Variants in TCF4 observed in about 807,000 individuals in gnomAD.
The protein encoded by TCF4 is SL3-3 enhancer factor 2.
Under a neutral mutation model 82.1 loss-of-function variants are expected in TCF4, and 3 were observed. The ratio of observed to expected loss-of-function variants is 0.04; its 90% CI spans 0.02 to 0.09. TCF4 has a LOEUF of 0.09. TCF4 is among the 10% of genes least tolerant of loss of function. TCF4 has a pLI of 1.00. For missense variants in TCF4, 518 were observed against 852.7 expected, an observed-to-expected ratio of 0.61 and a Z score of 4.89; for synonymous variants, 276 against 309.6, an observed-to-expected ratio of 0.89 and a Z score of 1.14.
rs149743921 is a variant in TCF4 at position 55,382,658 on chromosome 18, TA to T, written c.369+20795del. On this transcript the variant is annotated intron_variant, in intron 6 of 19. Coordinates refer to ENST00000354452, the MANE Select transcript of TCF4 (RefSeq NM_001083962.2). ...TATCCTGATCACCTTGTTTTAATAC[TA>T]AAAAAAAGGAAGTCATTTATCATCT... Among the ~76,000 whole-genome samples the T allele has an allele frequency of 3.6e-3, 540 of 151,702 alleles. 6 individuals carry two copies. The highest frequency in any genetic ancestry group is 0.013 in the African/African-American group (523 of 41,402).
intron 8 of TCF4, among the ~76,000 whole-genome samples, chr18:55,318,547 A>G (rs1293741244): frequency 1.3e-5 from 2 of 152,152 alleles, no homozygotes; most frequent in African/African-American, 4.8e-5. Flanking sequence ...TGAAACTCTC[A>G]CCTGAGGAGA....
chr18:55,624,559 T>A (rs1471049048), intron 2 of TCF4, among the ~76,000 whole-genome samples: 2 of 147,696 alleles, frequency 1.4e-5, no homozygotes, highest in Non-Finnish European at 1.5e-5. Flanking sequence ...AGGGAGAAGT[T>A]GTGGAAAGAC....
chr18:55,549,290 C>A (rs1338988233), intron 3 of TCF4, among the ~76,000 whole-genome samples: 1 of 151,622 alleles, frequency 6.6e-6, no homozygotes, highest in African/African-American at 2.4e-5. Flanking sequence ...GACAGAGTGA[C>A]CCTGTCTCAA....
At chr18:55,458,728 G>A (rs555112247) in intron 5 of TCF4, among the ~76,000 whole-genome samples, 16 of 152,168 alleles carry the variant, frequency 1.1e-4, no homozygotes, top group African/African-American at 3.9e-4. Context: ...TTATAGCGAT[G>A]GGAAGTTTTT....
chr18:55,608,806 C>T (rs190597200), intron 2 of TCF4, among the ~76,000 whole-genome samples: 1 of 151,992 alleles, frequency 6.6e-6, no homozygotes, highest in Admixed American at 6.6e-5. Flanking sequence ...GTGGAGTGGG[C>T]GGTAGGAGGT....
chr18:55,615,799 C>A (rs1303188064), intron 2 of TCF4, among the ~76,000 whole-genome samples: 1 of 152,074 alleles, frequency 6.6e-6, no homozygotes, highest in African/African-American at 2.4e-5. Flanking sequence ...GTGAATTATA[C>A]TGACTGATTT....
At chr18:55,420,069 G>C (rs1427964089) in intron 5 of TCF4, among the ~76,000 whole-genome samples, 1 of 152,124 alleles carries the variant, frequency 6.6e-6, no homozygotes, top group Admixed American at 6.5e-5. Flanking sequence ...CTGCTGGACA[G>C]TGGAAATCCC....
At chr18:55,247,163 A>G (rs2053535885) in intron 15 of TCF4, among the ~76,000 whole-genome samples, 1 of 152,232 alleles carries the variant, frequency 6.6e-6, no homozygotes, top group South Asian at 2.1e-4. Context: ...AAAGGATAGA[A>G]GACAGCACTC....
At chr18:55,304,692 G>A (rs778170550) in intron 8 of TCF4, among the ~76,000 whole-genome samples, 23 of 152,116 alleles carry the variant, frequency 1.5e-4, no homozygotes, top group Non-Finnish European at 2.8e-4. Context: ...GACATTCAAG[G>A]TATTAAAGGA....
intron 8 of TCF4, among the ~76,000 whole-genome samples, chr18:55,317,586 G>A (rs1019614338): frequency 1.1e-4 from 16 of 151,874 alleles, no homozygotes; most frequent in African/African-American, 1.9e-4. Flanking sequence ...TATTAGTGGC[G>A]TCATTTAAAT....
intron 3 of TCF4, among the ~76,000 whole-genome samples, chr18:55,468,463 A>G (rs1231236496): frequency 6.6e-6 from 1 of 152,226 alleles, no homozygotes; most frequent in Non-Finnish European, 1.5e-5. Flanking sequence ...ATCCCATAGC[A>G]GCCCATAGTA....
At chr18:55,568,849 T>C (rs1439357974) in intron 3 of TCF4, among the ~76,000 whole-genome samples, 1 of 152,138 alleles carries the variant, frequency 6.6e-6, no homozygotes, top group Non-Finnish European at 1.5e-5. Flanking sequence ...AAGAAAATAT[T>C]TGAAATTGAG....
At chr18:55,400,957 G>T (rs1175395263) in intron 6 of TCF4, 6 of 1,288,612 alleles carry the variant, frequency 4.7e-6, no homozygotes, top group Admixed American at 4.6e-5. Flanking sequence ...CAATCATGTA[G>T]TAAACAGAAG....
At chr18:55,467,776 G>A (rs1021835492) in intron 3 of TCF4, among the ~76,000 whole-genome samples, 1 of 152,180 alleles carries the variant, frequency 6.6e-6, no homozygotes, top group Admixed American at 6.5e-5. Context: ...CCATGTTTTT[G>A]TAACTGCTAT....
intron 3 of TCF4, among the ~76,000 whole-genome samples, chr18:55,539,283 T>A (rs1045710065): frequency 6.6e-6 from 1 of 152,176 alleles, no homozygotes; most frequent in Non-Finnish European, 1.5e-5. Flanking sequence ...CTGATTCTTA[T>A]GTCACTGATT....
At chr18:55,369,579 A>G (rs1386913394) in intron 6 of TCF4, among the ~76,000 whole-genome samples, 1 of 152,202 alleles carries the variant, frequency 6.6e-6, no homozygotes, top group Non-Finnish European at 1.5e-5. Context: ...CATTCCCCAC[A>G]AGCACATCAA....
intron 6 of TCF4, among the ~76,000 whole-genome samples, chr18:55,365,159 ATATATATAT>A (rs2086555285): frequency 5.0e-5 from 2 of 40,198 alleles, no homozygotes; most frequent in Admixed American, 4.9e-4. Context: ...TCTCCAAAAT[ATATATATAT>A]ATATATATAT....
intron 5 of TCF4, among the ~76,000 whole-genome samples, chr18:55,404,866 C>T (rs767100526): frequency 3.5e-4 from 53 of 152,342 alleles, no homozygotes; most frequent in South Asian, 2.3e-3. Flanking sequence ...AAATTAACCC[C>T]GTTTCCCAGT....
At chr18:55,245,153 G>A (rs2052640548) in intron 15 of TCF4, among the ~76,000 whole-genome samples, 3 of 152,014 alleles carry the variant, frequency 2.0e-5, no homozygotes, top group Admixed American at 2.0e-4. Flanking sequence ...CTTTTTTTCA[G>A]TTCTCACTCC....
Sources: gnomAD v4.1 joint callset for allele counts (sites outside exome capture counted in the v4.1 genomes callset) on GRCh38, gnomAD v4.1.1 for gene constraint, MANE v1.5 for transcripts, NCBI Gene and HGNC (gene_info 2026-07-23, HGNC 2026-07-21) for gene names.